ELMO1: variants seen among roughly 807,000 people sequenced by gnomAD.
ELMO1 encodes engulfment and cell motility protein 1.
ELMO1 carries 26 observed loss-of-function variants against 98.9 expected under a neutral mutation model. That is an observed-to-expected ratio of 0.26 (90% CI 0.19 to 0.36). The LOEUF (loss-of-function observed/expected upper bound fraction) is 0.36, where lower values mean the gene tolerates loss of function less well. Ranked by LOEUF, ELMO1 falls within the 10% of genes least tolerant of loss-of-function variation. The probability of loss-of-function intolerance (pLI) is 1.00; values close to 1 mark genes in which losing one functional copy is unlikely to be tolerated. For synonymous variants in ELMO1, 346 were observed against 346.0 expected, an observed-to-expected ratio of 1.00 and a Z score of 0.00; for missense variants, 627 against 935.2, an observed-to-expected ratio of 0.67 and a Z score of 4.30.
In ELMO1 at chr7:37,031,102, C is replaced by G. The variant is rs1280444819; in HGVS notation, c.1301-17667G>C. ...TTTCCCACTGCCACTGACCTTGGTT[C>G]AGGTGCTCATCACTGCTCTTCCGGA... On this transcript the variant is annotated intron_variant, in intron 15 of 21. Coordinates refer to ENST00000310758, the MANE Select transcript of ELMO1 (RefSeq NM_014800.11). 2.6e-5 allele frequency among the ~76,000 whole-genome samples: 4 copies of G among 152,148 alleles called. No individual in the cohort carries two copies. The South Asian group carries it at 8.3e-4, about 32-fold the overall frequency.
At chr7:37,385,269 G>A (rs1406287731) in intron 1 of ELMO1, among the ~76,000 whole-genome samples, 4 of 152,144 alleles carry the variant, frequency 2.6e-5, no homozygotes, top group Non-Finnish European at 4.4e-5. Context: ...AAAAGCATTC[G>A]AAGCCCCAGC....
intron 15 of ELMO1, among the ~76,000 whole-genome samples, chr7:37,018,480 A>G (rs544813180): frequency 3.6e-4 from 54 of 151,108 alleles, no homozygotes; most frequent in African/African-American, 1.3e-3. Flanking sequence ...GGTAGCTATT[A>G]GTTACTATTT....
chr7:36,994,342 G>A (rs1267161875), intron 16 of ELMO1, among the ~76,000 whole-genome samples: 1 of 152,054 alleles, frequency 6.6e-6, no homozygotes, highest in Non-Finnish European at 1.5e-5. Flanking sequence ...TATGTGCTAT[G>A]GCTATTGCAC....
chr7:37,212,090 C>T (rs1032882242), intron 12 of ELMO1, among the ~76,000 whole-genome samples: 1 of 152,162 alleles, frequency 6.6e-6, no homozygotes, highest in Non-Finnish European at 1.5e-5. Flanking sequence ...TCTGGATGAG[C>T]TTTGAAGATA....
chr7:37,100,635 T>C (rs756527044), intron 14 of ELMO1, among the ~76,000 whole-genome samples: 7 of 152,246 alleles, frequency 4.6e-5, no homozygotes, highest in Non-Finnish European at 7.3e-5. Flanking sequence ...CAGCCAGCCC[T>C]TGAGGGCTTG....
chr7:36,959,042 C>T (rs1788710180), intron 16 of ELMO1, among the ~76,000 whole-genome samples: 1 of 152,062 alleles, frequency 6.6e-6, no homozygotes, highest in South Asian at 2.1e-4. Flanking sequence ...ATCTACGTTC[C>T]CCATCTCTAT....
At chr7:37,386,031 T>TGTTA (rs1802789093) in intron 1 of ELMO1, among the ~76,000 whole-genome samples, 1 of 152,102 alleles carries the variant, frequency 6.6e-6, no homozygotes, top group Admixed American at 6.5e-5. Context: ...TCAGATGCTG[T>TGTTA]GTTAGTTGCC....
At chr7:37,438,503 G>A (rs1488631927) in intron 1 of ELMO1, among the ~76,000 whole-genome samples, 3 of 151,948 alleles carry the variant, frequency 2.0e-5, no homozygotes, top group Admixed American at 1.3e-4. Context: ...CGGAGGCTGG[G>A]GCAGGAGAAT....
intron 14 of ELMO1, among the ~76,000 whole-genome samples, chr7:37,120,456 A>C (rs1027587105): frequency 6.6e-6 from 1 of 152,230 alleles, no homozygotes; most frequent in Non-Finnish European, 1.5e-5. Flanking sequence ...CGGTTTTAGC[A>C]AACGGCACAC....
intron 13 of ELMO1, among the ~76,000 whole-genome samples, chr7:37,181,226 C>T (rs541572099): frequency 5.3e-5 from 8 of 152,110 alleles, no homozygotes; most frequent in African/African-American, 1.9e-4. Flanking sequence ...CATCAGCATG[C>T]CCAGTGGCCA....
At chr7:36,954,310 T>C (rs1020355007) in intron 16 of ELMO1, among the ~76,000 whole-genome samples, 1 of 152,096 alleles carries the variant, frequency 6.6e-6, no homozygotes, top group African/African-American at 2.4e-5. Context: ...AGAATTAGGG[T>C]TCTGGCCAAA....
intron 16 of ELMO1, among the ~76,000 whole-genome samples, chr7:36,956,481 C>T (rs1381237799): frequency 6.6e-6 from 1 of 152,094 alleles, no homozygotes; most frequent in Admixed American, 6.5e-5. Context: ...ACCCAAATGC[C>T]ATCTGATCAA....
chr7:37,327,734 C>T (rs2131177939), intron 2 of ELMO1, among the ~76,000 whole-genome samples: 1 of 152,210 alleles, frequency 6.6e-6, no homozygotes, highest in African/African-American at 2.4e-5. Context: ...AGACATCTGC[C>T]AGCAGGTAGT....
At chr7:37,217,225 G>C (rs1447427781) in intron 10 of ELMO1, among the ~76,000 whole-genome samples, 1 of 151,666 alleles carries the variant, frequency 6.6e-6, no homozygotes, top group Non-Finnish European at 1.5e-5. Context: ...CAAAGCTCTA[G>C]AGTCTACACT....
chr7:36,944,663 A>G (rs2129098542), intron 16 of ELMO1, among the ~76,000 whole-genome samples: 1 of 152,324 alleles, frequency 6.6e-6, no homozygotes, highest in South Asian at 2.1e-4. Context: ...CTTGAAGTCA[A>G]CGGGACTTCA....
At chr7:37,412,053 C>T (rs919446466) in intron 1 of ELMO1, among the ~76,000 whole-genome samples, 3 of 152,244 alleles carry the variant, frequency 2.0e-5, no homozygotes, top group African/African-American at 7.2e-5. Context: ...AAAACACACA[C>T]ACACAAAATG....
chr7:37,233,132 A>T lies in ELMO1; in HGVS notation c.512T>A (p.Val171Glu). The T allele has an allele frequency of 6.2e-7, 1 of 1,613,870 alleles. No homozygotes were observed. Among genetic ancestry groups the T allele is most frequent in the Non-Finnish European group, 8.5e-7 (1 of 1,179,832 alleles). The change falls in exon 8 of 22, where the codon GTG becomes GAG. Residue 171 changes from valine (V) to glutamate (E), a missense_variant. Val to Glu is a moderately radical substitution (Grantham distance 121). Around this residue, in one of 3 missense-constraint regions of ELMO1, gnomAD observed 492 missense variants for 715.6 expected, o/e 0.69. Transcript: ENST00000310758. ...CGCCACCGAAAATGTATCCCAGGAC[A>T]CTATGCCATGGTCCATCAGCTCAAC... The part of the protein sequence containing the change: ...AFVELMDHGI[V>E]SWDTFSVAFI...
chr7:36,891,568 C>T (rs894228548), intron 17 of ELMO1, among the ~76,000 whole-genome samples: 2 of 152,166 alleles, frequency 1.3e-5, no homozygotes, highest in African/African-American at 4.8e-5. Flanking sequence ...TACATATCAA[C>T]AGTATCACAA....
chr7:37,233,192 A>T lies in ELMO1; in HGVS notation c.452T>A (p.Phe151Tyr). The stretch of plus-strand genomic sequence containing the variant: ...CAGGGTGAAGGACAGCATGTCTCCA[A>T]AGCTGAAAAAGACAGAGAGGCACAA... ...QKLQKIMKPC[F>Y]GDMLSFTLTA... Residue 151 changes from phenylalanine (F) to tyrosine (Y), a missense_variant and splice_region_variant, in exon 8 of 22, where the codon TTT becomes TAT. Physicochemically the swap from Phe to Tyr is conservative, Grantham distance 22 (BLOSUM62 3). Transcript: ENST00000310758. The T allele has an allele frequency of 6.2e-7, 1 of 1,612,464 alleles. No individual in the cohort carries two copies. Among genetic ancestry groups the T allele is most frequent in the Non-Finnish European group, 8.5e-7 (1 of 1,179,390 alleles).
Sources: gnomAD v4.1 joint callset for allele counts (sites outside exome capture counted in the v4.1 genomes callset) on GRCh38, gnomAD v4.1.1 for gene constraint, gnomAD v4.1.1 regional missense constraint, MANE v1.5 for transcripts, NCBI Gene and HGNC (gene_info 2026-07-23, HGNC 2026-07-21) for gene names.